The following TCF4 variants were observed in gnomAD, a reference collection of about 807,000 sequenced individuals.
TCF4 encodes the protein SL3-3 enhancer factor 2.
A neutral mutation model predicts 82.1 loss-of-function variants in TCF4; 3 were observed. The observed-to-expected ratio is 0.04, with a 90% CI of 0.02 to 0.09. The LOEUF (loss-of-function observed/expected upper bound fraction) is 0.09, where lower values mean the gene tolerates loss of function less well. TCF4 is among the 10% of genes least tolerant of loss of function. The pLI, the probability that TCF4 is intolerant of heterozygous loss-of-function variation, is 1.00. For synonymous variants in TCF4, 276 were observed against 309.6 expected, an observed-to-expected ratio of 0.89 and a Z score of 1.14; for missense variants, 518 against 852.7, an observed-to-expected ratio of 0.61 and a Z score of 4.89.
chr18:55,269,636 G>A lies in TCF4; in HGVS notation c.922+195C>T, dbSNP rs1172638303. The A allele has an allele frequency of 1.5e-5, 11 of 719,668 alleles. No homozygotes were observed. In the East Asian group the frequency reaches 1.7e-4, roughly 11 times the overall value. The allele number at this position is 719,668 out of a possible 1,614,324, so 44.6% of individuals were successfully genotyped here. ...ACGTAGAACGTAGCTAAATTTCAGTGTCTTGTGACGAAAAATATGGTTATG... is the reference window on the plus strand; with the variant it reads ...ACGTAGAACGTAGCTAAATTTCAGTATCTTGTGACGAAAAATATGGTTATG... On this transcript the variant is annotated intron_variant, in intron 11 of 19. Transcript: ENST00000354452.
intron 8 of TCF4, among the ~76,000 whole-genome samples, chr18:55,289,396 A>T (rs1006701070): frequency 6.6e-6 from 1 of 152,246 alleles, no homozygotes; most frequent in African/African-American, 2.4e-5. Flanking sequence ...AATTCAAGGT[A>T]ATGTTAAGGA....
chr18:55,376,654 CT>C (rs1453609378), intron 6 of TCF4, among the ~76,000 whole-genome samples: 1 of 152,184 alleles, frequency 6.6e-6, no homozygotes, highest in Non-Finnish European at 1.5e-5. Flanking sequence ...TTCTCTTCCA[CT>C]TGCATATATC....
chr18:55,439,510 C>G (rs2095397389), intron 5 of TCF4, among the ~76,000 whole-genome samples: 1 of 152,134 alleles, frequency 6.6e-6, no homozygotes, highest in African/African-American at 2.4e-5. Context: ...TCTAGCTTTT[C>G]CATCCCAGTA....
At chr18:55,585,383 AAAG>A (rs753049558) in intron 2 of TCF4, 31 bp from the exon 3 acceptor site, 1 of 1,595,526 alleles carries the variant, frequency 6.3e-7, no homozygotes, top group Non-Finnish European at 8.6e-7. Context: ...TTACAGTTGA[AAAG>A]AAGACACTTG....
chr18:55,261,751 T>A (rs2058123448), intron 11 of TCF4, among the ~76,000 whole-genome samples: 1 of 152,234 alleles, frequency 6.6e-6, no homozygotes, highest in African/African-American at 2.4e-5. Context: ...GGTTTAAAGA[T>A]AAAGTGGTTT....
At chr18:55,586,480 A>G (rs2097651707) in intron 2 of TCF4, among the ~76,000 whole-genome samples, 1 of 152,322 alleles carries the variant, frequency 6.6e-6, no homozygotes, top group South Asian at 2.1e-4. Context: ...GAAATTTACC[A>G]AAACAGTCCA....
intron 2 of TCF4, among the ~76,000 whole-genome samples, chr18:55,614,118 C>T (rs1366902620): frequency 6.6e-6 from 1 of 152,126 alleles, no homozygotes; most frequent in Non-Finnish European, 1.5e-5. Flanking sequence ...TGGTCTTGAA[C>T]TCCTATTCTC....
intron 3 of TCF4, among the ~76,000 whole-genome samples, chr18:55,465,436 A>G (rs1462985028): frequency 1.3e-5 from 2 of 152,004 alleles, no homozygotes; most frequent in Non-Finnish European, 2.9e-5. Flanking sequence ...TTTAATGACA[A>G]ATATTATTTC....
intron 2 of TCF4, among the ~76,000 whole-genome samples, chr18:55,622,044 A>G (rs991862540): frequency 1.5e-5 from 2 of 136,440 alleles, no homozygotes; most frequent in Non-Finnish European, 3.0e-5. Flanking sequence ...TATATACACT[A>G]TATATAATAT....
chr18:55,302,439 G>A (rs2068622490), intron 8 of TCF4: 1 of 1,536,150 alleles, frequency 6.5e-7, no homozygotes, highest in African/African-American at 1.4e-5. Context: ...TCGTGGTCCA[G>A]GCAACATAGC....
rs940040673 is a variant in TCF4 at position 55,633,573 on chromosome 18, C to T, written c.195+2130G>A. Among the ~76,000 whole-genome samples the T allele has an allele frequency of 2.6e-5, 4 of 151,984 alleles. No homozygotes were observed. Among genetic ancestry groups the T allele is most frequent in the African/African-American group, 4.8e-5 (2 of 41,374 alleles). On this transcript the variant is annotated intron_variant, in intron 1 of 20. Coordinates refer to the TCF4 transcript ENST00000398339. The surrounding 1 kb of genome is among the most constrained non-coding windows in gnomAD (Gnocchi z 4.0). ...TTAGTTTTGTTGGAGGATTTGTGGA[C>T]ATATTTTAAACCCAGAATACCTGGG...
intron 5 of TCF4, among the ~76,000 whole-genome samples, chr18:55,418,987 T>C (rs930884792): frequency 1.4e-4 from 21 of 152,134 alleles, no homozygotes; most frequent in African/African-American, 4.8e-4. Context: ...CATTGGGCCA[T>C]TGTGTACTGT....
At chr18:55,544,216 C>G (rs1258668206) in intron 3 of TCF4, among the ~76,000 whole-genome samples, 1 of 152,162 alleles carries the variant, frequency 6.6e-6, no homozygotes, top group Non-Finnish European at 1.5e-5. Flanking sequence ...TTTAATTTCT[C>G]TGGGATTCAA....
chr18:55,546,316 G>C (rs957404627), intron 3 of TCF4, among the ~76,000 whole-genome samples: 8 of 151,574 alleles, frequency 5.3e-5, no homozygotes, highest in African/African-American at 2.0e-4. Context: ...TCCAGCCTGG[G>C]CAACAGAGAG....
intron 10 of TCF4, among the ~76,000 whole-genome samples, chr18:55,271,168 C>T (rs1254523057): frequency 8.5e-5 from 13 of 152,100 alleles, no homozygotes; most frequent in Non-Finnish European, 1.6e-4. Context: ...CTTGAAGAGT[C>T]CCTGACTACC....
chr18:55,567,910 TA>T (rs769889542), intron 3 of TCF4, among the ~76,000 whole-genome samples: 29 of 152,128 alleles, frequency 1.9e-4, no homozygotes, highest in Non-Finnish European at 3.7e-4. Flanking sequence ...AATTAAATTG[TA>T]ATAGAGGTCA....
chr18:55,616,733 CATTTAT>C (rs1314778924), intron 2 of TCF4, among the ~76,000 whole-genome samples: 2 of 151,862 alleles, frequency 1.3e-5, no homozygotes, highest in Non-Finnish European at 2.9e-5. Flanking sequence ...ACCTGTTGTC[CATTTAT>C]ATGTCTCTTT....
At chr18:55,518,201 C>G (rs2096901022) in intron 3 of TCF4, among the ~76,000 whole-genome samples, 1 of 152,000 alleles carries the variant, frequency 6.6e-6, no homozygotes, top group Non-Finnish European at 1.5e-5. Flanking sequence ...ACATTCCCAG[C>G]AATATGATGA....
Position 55,603,831 on chromosome 18 carries a change from A to G in TCF4, c.287-16695T>C, listed in dbSNP as rs185869342. On this transcript the variant is annotated intron_variant, in intron 2 of 20. Transcript: ENST00000398339. ...GTCTCATTTGTTAGGAGGCCAGGAG[A>G]TCATGGCACAGCATGGGAACAATTC... 6.6e-5 allele frequency among the ~76,000 whole-genome samples: 10 copies of G among 152,312 alleles called. No homozygotes were observed. The East Asian group carries it at 1.9e-3, about 29-fold the overall frequency.
Sources: gnomAD v4.1 joint callset for allele counts (sites outside exome capture counted in the v4.1 genomes callset) on GRCh38, gnomAD v4.1.1 for gene constraint, Gnocchi (gnomAD v3.1) non-coding constraint, MANE v1.5 for transcripts, NCBI Gene and HGNC (gene_info 2026-07-23, HGNC 2026-07-21) for gene names.